Variants in CHRNA7 observed in about 807,000 individuals in gnomAD.
The protein encoded by CHRNA7 is neuronal acetylcholine receptor subunit alpha-7.
CHRNA7 carries 17 observed loss-of-function variants against 48.0 expected under a neutral mutation model. The ratio of observed to expected loss-of-function variants is 0.35; its 90% CI spans 0.24 to 0.53. The LOEUF (loss-of-function observed/expected upper bound fraction) is 0.53, where lower values mean the gene tolerates loss of function less well. CHRNA7 is among the 20% of genes least tolerant of loss of function. The probability of loss-of-function intolerance (pLI) is 0.92; values close to 1 mark genes in which losing one functional copy is unlikely to be tolerated. For synonymous variants in CHRNA7, 75 were observed against 242.3 expected (o/e 0.31, Z 6.41); for missense variants, 155 against 577.7 (o/e 0.27, Z 7.50).
At position 32,149,664 on chromosome 15, in the gene CHRNA7, A is replaced by G. The variant is rs2051579484; in HGVS notation, c.351-4243A>G. On this transcript the variant is annotated intron_variant, in intron 4 of 9. Transcript: ENST00000306901. The surrounding 1 kb of genome is among the most constrained non-coding windows in gnomAD (Gnocchi z 4.6). ...TGGGTATTAAGATTTGGATTTTGATAACATTTATGTGTTACAATTTCATGT... is the reference window on the plus strand; with the variant it reads ...TGGGTATTAAGATTTGGATTTTGATGACATTTATGTGTTACAATTTCATGT... Among the ~76,000 whole-genome samples, 1 of 152,226 alleles carries G rather than the reference A, an allele frequency of 6.6e-6. No homozygotes were observed. Among genetic ancestry groups the G allele is most frequent in the South Asian group, 2.1e-4 (1 of 4,828 alleles).
At chr15:32,112,095 A>G in intron 4 of CHRNA7, 196 bp downstream of exon 4, 1 of 633,228 alleles carries the variant, frequency 1.6e-6, no homozygotes, top group Non-Finnish European at 2.9e-6. Flanking sequence ...CTGGTTTGGC[A>G]TGCACACGTG....
At chr15:32,144,788 A>G (rs574428893) in intron 4 of CHRNA7, among the ~76,000 whole-genome samples, 1 of 152,270 alleles carries the variant, frequency 6.6e-6, no homozygotes, top group African/African-American at 2.4e-5. Flanking sequence ...GGTCTTCTCT[A>G]TACTATTCAT....
chr15:32,041,147 A>G (rs1251719179), intron 2 of CHRNA7, among the ~76,000 whole-genome samples: 2 of 151,874 alleles, frequency 1.3e-5, no homozygotes, highest in African/African-American at 4.8e-5. Flanking sequence ...TTTTTCCCCC[A>G]CATGTATCAG....
chr15:32,042,080 T>G lies in CHRNA7; in HGVS notation c.195+11043T>G, dbSNP rs375358680. On this transcript the variant is annotated intron_variant, in intron 2 of 9. Coordinates refer to ENST00000306901, the MANE Select transcript of CHRNA7 (RefSeq NM_000746.6). ...GTATGCTTTGTAATTTTTTCTTGATTGGTGGCTGTGATGTACCAGGTAAAA... is the reference window on the plus strand; with the variant it reads ...GTATGCTTTGTAATTTTTTCTTGATGGGTGGCTGTGATGTACCAGGTAAAA... Among the ~76,000 whole-genome samples, 102 of 152,168 alleles carry G rather than the reference T, an allele frequency of 6.7e-4. No individual in the cohort carries two copies. The South Asian group carries it at 0.02, about 30-fold the overall frequency.
chr15:32,060,235 G>A (rs1233160540), intron 2 of CHRNA7, among the ~76,000 whole-genome samples: 1 of 152,094 alleles, frequency 6.6e-6, no homozygotes, highest in African/African-American at 2.4e-5. Flanking sequence ...GGAGGAGTGA[G>A]GGTAGTGTAT....
At chr15:32,137,111 C>T (rs569461068) in intron 4 of CHRNA7, among the ~76,000 whole-genome samples, 1 of 141,448 alleles carries the variant, frequency 7.1e-6, no homozygotes, top group South Asian at 2.3e-4. Flanking sequence ...AAAAGCATAA[C>T]ATTAGATGGT....
At chr15:32,167,185 A>G (rs2052211240) in intron 9 of CHRNA7, among the ~76,000 whole-genome samples, 1 of 151,622 alleles carries the variant, frequency 6.6e-6, no homozygotes, top group Non-Finnish European at 1.5e-5. Context: ...GCCAAAAGAA[A>G]TAATACCCAA....
rs143102636 is a variant in CHRNA7 at position 32,063,771 on chromosome 15, A to T, written c.195+32734A>T. Among the ~76,000 whole-genome samples the T allele has an allele frequency of 2.9e-3, 445 of 152,294 alleles. 3 individuals are homozygous for T. The highest frequency in any genetic ancestry group is 0.01 in the African/African-American group (424 of 41,558). On this transcript the variant is annotated intron_variant, in intron 2 of 9. Coordinates refer to ENST00000306901, the MANE Select transcript of CHRNA7 (RefSeq NM_000746.6). ...TTCCATGAGCCACTTCATTAGCATA[A>T]CAAGGAATTTCTGATTTCTGTCACT...
chr15:32,140,353 G>A (rs2051355450), intron 4 of CHRNA7, among the ~76,000 whole-genome samples: 1 of 152,124 alleles, frequency 6.6e-6, no homozygotes, highest in Admixed American at 6.6e-5. Context: ...CCAAGTCTTT[G>A]CTATTGTGAA....
intron 2 of CHRNA7, among the ~76,000 whole-genome samples, chr15:32,053,243 G>C (rs1490950771): frequency 6.6e-6 from 1 of 152,214 alleles, no homozygotes; most frequent in East Asian, 1.9e-4. Flanking sequence ...GATATTCCCT[G>C]AAGGGTTCAG....
chr15:32,073,481 T>C (rs1432238309), intron 2 of CHRNA7, among the ~76,000 whole-genome samples: 1 of 152,150 alleles, frequency 6.6e-6, no homozygotes, highest in African/African-American at 2.4e-5. Context: ...GTTAAGACAT[T>C]TGGGGACTAT....
intron 2 of CHRNA7, among the ~76,000 whole-genome samples, chr15:32,068,105 C>T (rs752567149): frequency 1.3e-5 from 2 of 151,818 alleles, no homozygotes; most frequent in African/African-American, 2.4e-5. Context: ...TGAGGCCTAT[C>T]GTTGGAGGCT....
intron 2 of CHRNA7, among the ~76,000 whole-genome samples, chr15:32,037,169 C>T (rs1283266666): frequency 6.6e-6 from 1 of 152,110 alleles, no homozygotes; most frequent in African/African-American, 2.4e-5. Context: ...TGTTGTAGCA[C>T]CATTTGTTGA....
chr15:32,139,351 C>T (rs568102565), intron 4 of CHRNA7, among the ~76,000 whole-genome samples: 8 of 152,334 alleles, frequency 5.3e-5, no homozygotes, highest in South Asian at 2.1e-4. Context: ...TGTGAACACA[C>T]GTTTTCTGCT....
intron 2 of CHRNA7, among the ~76,000 whole-genome samples, chr15:32,049,785 C>G (rs996002714): frequency 6.6e-6 from 1 of 152,122 alleles, no homozygotes; most frequent in Non-Finnish European, 1.5e-5. Context: ...CAGCTAGTAC[C>G]GGTTGTGCCT....
chr15:32,080,988 G>A (rs1000958641), intron 2 of CHRNA7, among the ~76,000 whole-genome samples: 1 of 152,140 alleles, frequency 6.6e-6, no homozygotes, highest in Non-Finnish European at 1.5e-5. Flanking sequence ...GTCCTCTACA[G>A]GTACATGGAT....
chr15:32,121,413 A>G (rs986995628), intron 4 of CHRNA7, among the ~76,000 whole-genome samples: 1 of 152,222 alleles, frequency 6.6e-6, no homozygotes, highest in African/African-American at 2.4e-5. Context: ...ACTCTGCTTC[A>G]CAATTGAGGA....
intron 2 of CHRNA7, among the ~76,000 whole-genome samples, chr15:32,057,001 G>A (rs1261471931): frequency 6.6e-6 from 1 of 152,172 alleles, no homozygotes; most frequent in Non-Finnish European, 1.5e-5. Context: ...AGCTTTTATA[G>A]GCTGAACACA....
rs574321124 is a variant in CHRNA7, at chr15:32,138,183, A to G, written c.351-15724A>G. On this transcript the variant is annotated intron_variant, in intron 4 of 9. Transcript: ENST00000306901. ...ATAAAATCAACATACCTCAGGAAAT[A>G]ATTACCAAGAAAACAAAGAAGGCAC... Among the ~76,000 whole-genome samples the G allele has an allele frequency of 2.6e-5, 4 of 152,312 alleles. No homozygotes were observed. The South Asian group carries it at 8.3e-4, about 32-fold the overall frequency.
Sources: gnomAD v4.1 joint callset for allele counts (sites outside exome capture counted in the v4.1 genomes callset) on GRCh38, gnomAD v4.1.1 for gene constraint, Gnocchi (gnomAD v3.1) non-coding constraint, MANE v1.5 for transcripts, NCBI Gene and HGNC (gene_info 2026-07-23, HGNC 2026-07-21) for gene names.